ALKBH8: variants seen among roughly 807,000 people sequenced by gnomAD.
The protein encoded by ALKBH8 is alkB homolog 8, tRNA methyltransferase.
Under a neutral mutation model 59.8 loss-of-function variants are expected in ALKBH8, and 36 were observed. The ratio of observed to expected loss-of-function variants is 0.60; its 90% confidence interval spans 0.46 to 0.79. The LOEUF (loss-of-function observed/expected upper bound fraction) is 0.79, where lower values mean the gene tolerates loss of function less well. ALKBH8 is among the 30% of genes least tolerant of loss of function. The pLI, the probability that ALKBH8 is intolerant of heterozygous loss-of-function variation, is 0.00. For synonymous variants in ALKBH8, 276 were observed against 273.6 expected (o/e 1.01, Z -0.09); for missense variants, 768 against 801.0 (o/e 0.96, Z 0.50).
intron 7 of ALKBH8, among the ~76,000 whole-genome samples, chr11:107,537,893 T>C (rs1048753185): frequency 6.6e-6 from 1 of 152,184 alleles, no homozygotes; most frequent in Non-Finnish European, 1.5e-5. Context: ...TTTGACAAGA[T>C]GAGAAAGACC....
intron 3 of ALKBH8, among the ~76,000 whole-genome samples, chr11:107,554,230 G>C (rs1283045713): frequency 6.6e-6 from 1 of 152,184 alleles, no homozygotes; most frequent in African/African-American, 2.4e-5. Flanking sequence ...GTGTGAACAT[G>C]ATGAAGTCAC....
chr11:107,536,141 G>C (rs753359703), intron 7 of ALKBH8, among the ~76,000 whole-genome samples: 5 of 152,144 alleles, frequency 3.3e-5, no homozygotes, highest in Non-Finnish European at 7.4e-5. Flanking sequence ...ACTAATCCAG[G>C]TGTTTCTGTA....
chr11:107,553,968 C>T lies in ALKBH8; in HGVS notation c.378G>A (p.Lys126=), dbSNP rs750039490. ...GTGGTAAGGCTTGAGGCCTCAACTC[C>T]TTCCACTGCACTATGGGAAACCAAA... ...YLNFVEKVQW[K]ELRPQALPPG... Residue 126 remains lysine, a synonymous_variant, in exon 4 of 12, where the codon AAG becomes AAA. Coordinates refer to ENST00000428149, the MANE Select transcript of ALKBH8 (RefSeq NM_138775.3). The T allele has an allele frequency of 6.2e-7, 1 of 1,613,714 alleles. No homozygotes were observed. The highest frequency in any genetic ancestry group is 1.7e-5 in the Admixed American group (1 of 59,944).
chr11:107,515,031 T>A (rs1369481426), intron 10 of ALKBH8, among the ~76,000 whole-genome samples: 1 of 152,190 alleles, frequency 6.6e-6, no homozygotes, highest in Non-Finnish European at 1.5e-5. Context: ...CAATAAAGCA[T>A]CAGATCTGAT....
Position 107,505,221 on chromosome 11 carries a change from G to GA in ALKBH8, c.1438-7dup, listed in dbSNP as rs752172434. 7.6e-5 allele frequency: 114 copies of GA among 1,503,620 alleles called. No individual in the cohort carries two copies. Among genetic ancestry groups the GA allele is most frequent in the African/African-American group, 2.4e-4 (17 of 70,510 alleles). The allele number at this position is 1,503,620 out of a possible 1,614,324, so 93.1% of individuals were successfully genotyped here. On this transcript the variant is annotated splice_region_variant and splice_polypyrimidine_tract_variant and intron_variant, in intron 11 of 11. Transcript: ENST00000428149. ...AGAGCTGCCACTCTACGCTCCTAAT[G>GA]AAAAAAAACAAAACACATGATCAAC...
intron 10 of ALKBH8, among the ~76,000 whole-genome samples, chr11:107,519,917 T>C (rs750400493): frequency 6.6e-6 from 1 of 152,190 alleles, no homozygotes. Flanking sequence ...AGGGTTAATA[T>C]GAGAATCAAA....
chr11:107,526,313 T>A (rs1863353935), intron 8 of ALKBH8, among the ~76,000 whole-genome samples: 1 of 152,008 alleles, frequency 6.6e-6, no homozygotes, highest in South Asian at 2.1e-4. Flanking sequence ...GCCATTTTAG[T>A]GAGTGGCATG....
chr11:107,557,113 A>AG lies in ALKBH8; in HGVS notation c.130-111dup, dbSNP rs1864752173. ...AAAAAGATGTAATTAAGAAAAAAAA[A>AG]GCATTTCCTTGTAGTGGTTGTTTGG... is the stretch of plus-strand genomic sequence containing the variant. On this transcript the variant is annotated intron_variant, in intron 2 of 11. Coordinates refer to ENST00000428149, the MANE Select transcript of ALKBH8 (RefSeq NM_138775.3). 3.6e-6 allele frequency: 3 copies of AG among 832,166 alleles called. No individual in the cohort carries two copies. The East Asian group carries it at 9.2e-5, about 26-fold the overall frequency. 51.5% of individuals were successfully genotyped at this position (832,166 alleles called of 1,614,324 possible).
At chr11:107,511,568 A>C (rs111712868) in intron 10 of ALKBH8, among the ~76,000 whole-genome samples, 2,202 of 151,872 alleles carry the variant, frequency 0.014, 47 homozygotes, top group African/African-American at 0.05. Context: ...AATCCCCCCC[A>C]AAAAAAATCA....
intron 7 of ALKBH8, among the ~76,000 whole-genome samples, chr11:107,548,277 T>A (rs143531574): frequency 1.1e-4 from 16 of 152,332 alleles, no homozygotes; most frequent in Non-Finnish European, 2.2e-4. Flanking sequence ...GTTGTCCAGC[T>A]ACGCCAGTGA....
intron 11 of ALKBH8, among the ~76,000 whole-genome samples, chr11:107,507,404 A>G (rs1262922531): frequency 6.6e-6 from 1 of 152,178 alleles, no homozygotes; most frequent in Non-Finnish European, 1.5e-5. Context: ...ATAGGAGGAA[A>G]CTTTGTGAGG....
chr11:107,525,249 C>A (rs1454503388), intron 9 of ALKBH8, among the ~76,000 whole-genome samples, 192 bp downstream of exon 9: 2 of 151,968 alleles, frequency 1.3e-5, no homozygotes, highest in African/African-American at 4.8e-5. Context: ...AGATGCAGAC[C>A]CTTGCCTTCA....
At chr11:107,545,827 G>A (rs186713686) in intron 7 of ALKBH8, among the ~76,000 whole-genome samples, 15 of 152,236 alleles carry the variant, frequency 9.9e-5, no homozygotes, top group Admixed American at 3.9e-4. Context: ...TGGACTTCCC[G>A]AAATTGATAA....
intron 10 of ALKBH8, 100 bp from the exon 11 acceptor site, chr11:107,511,136 A>G (rs550138343): frequency 6.8e-5 from 83 of 1,226,044 alleles, no homozygotes; most frequent in Non-Finnish European, 8.8e-5. Context: ...GACAGATACC[A>G]TATTCATTGT....
At chr11:107,533,957 T>G (rs1591288903) in intron 7 of ALKBH8, among the ~76,000 whole-genome samples, 1 of 151,906 alleles carries the variant, frequency 6.6e-6, no homozygotes, top group Admixed American at 6.6e-5. Context: ...GGAGAAACCC[T>G]GTCTCTACTA....
At position 107,553,977 on chromosome 11, in the gene ALKBH8, C is replaced by T; in HGVS notation, c.369G>A (p.Val123=). The change falls in exon 4 of 12, where the codon GTG becomes GTA. Residue 123 remains valine, a splice_region_variant and synonymous_variant. Coordinates refer to ENST00000428149, the MANE Select transcript of ALKBH8 (RefSeq NM_138775.3). The part of the protein sequence containing the change: ...ITLYLNFVEK[V]QWKELRPQAL... ...CTTGAGGCCTCAACTCCTTCCACTG[C>T]ACTATGGGAAACCAAATTAAAATAG... The T allele has an allele frequency of 6.2e-7, 1 of 1,613,226 alleles. No homozygotes were observed.
At chr11:107,524,689 C>T (rs1863277271) in intron 9 of ALKBH8, among the ~76,000 whole-genome samples, 1 of 152,064 alleles carries the variant, frequency 6.6e-6, no homozygotes, top group Non-Finnish European at 1.5e-5. Context: ...ATAGAAATTT[C>T]AAGTTTTCTA....
At chr11:107,535,379 A>C (rs996434245) in intron 7 of ALKBH8, among the ~76,000 whole-genome samples, 7 of 152,162 alleles carry the variant, frequency 4.6e-5, no homozygotes, top group Non-Finnish European at 1.0e-4. Flanking sequence ...CAATAGTGTA[A>C]AAGTGTTCCC....
At chr11:107,547,453 C>A (rs1041361985) in intron 7 of ALKBH8, among the ~76,000 whole-genome samples, 1 of 152,306 alleles carries the variant, frequency 6.6e-6, no homozygotes, top group Non-Finnish European at 1.5e-5. Context: ...AGAACAGATA[C>A]ACCTGAAGGA....
Sources: allele counts gnomAD v4.1 joint callset (sites outside exome capture counted in the v4.1 genomes callset), GRCh38; gene constraint gnomAD v4.1.1; transcripts MANE v1.5; gene names NCBI Gene and HGNC (gene_info 2026-07-23, HGNC 2026-07-21).